The following CATSPER3 variants were observed in gnomAD, a reference collection of about 807,000 sequenced individuals.
CATSPER3 encodes cation channel sperm associated 3.
In CATSPER3, 23 loss-of-function variants were observed where a neutral mutation model predicts 36.6. The ratio of observed to expected loss-of-function variants is 0.63; its 90% CI spans 0.45 to 0.89. CATSPER3 has a LOEUF of 0.89. Among genes scored for constraint, CATSPER3 ranks in the 40% least tolerant of loss-of-function variants. The pLI is 0.00. For synonymous variants in CATSPER3, 172 were observed against 184.1 expected, an observed-to-expected ratio of 0.93 and a Z score of 0.53; for missense variants, 474 against 503.9, an observed-to-expected ratio of 0.94 and a Z score of 0.57.
At chr5:134,988,035 G>T (rs1348688408) in intron 2 of CATSPER3, among the ~76,000 whole-genome samples, 1 of 152,194 alleles carries the variant, frequency 6.6e-6, no homozygotes, top group African/African-American at 2.4e-5. Flanking sequence ...TGTGGATTAA[G>T]TTCCAGACCA....
In CATSPER3 at chr5:135,007,932, C is replaced by T. The variant is rs765818925; in HGVS notation, c.493-25C>T. The T allele has an allele frequency of 3.7e-6, 6 of 1,609,032 alleles. No individual in the cohort carries two copies. The South Asian group carries it at 5.5e-5, about 15-fold the overall frequency. ...CCACCCAGCTTGGTGGTACCCTCGC[C>T]TACCACAGTGTCCCTGCCTTGCAGA... On this transcript the variant is annotated intron_variant, in intron 3 of 7. Transcript: ENST00000282611.
At chr5:135,008,818 C>T (rs1200040491) in intron 4 of CATSPER3, 23 bp from the exon 5 acceptor site, 1 of 1,613,068 alleles carries the variant, frequency 6.2e-7, no homozygotes, top group African/African-American at 1.3e-5. Context: ...GGGCCCTCAG[C>T]ATACTCTTCC....
chr5:135,003,910 C>CG (rs1752052022), intron 3 of CATSPER3, among the ~76,000 whole-genome samples: 1 of 152,224 alleles, frequency 6.6e-6, no homozygotes, highest in Non-Finnish European at 1.5e-5. Flanking sequence ...CTGGGTGAGG[C>CG]GATGCCTCGC....
At chr5:134,976,499 G>A (rs1039835546) in intron 2 of CATSPER3, among the ~76,000 whole-genome samples, 1 of 152,242 alleles carries the variant, frequency 6.6e-6, no homozygotes, top group Non-Finnish European at 1.5e-5. Flanking sequence ...CACTCCCTGT[G>A]TCTGCTCTCA....
chr5:135,009,597 C>G (rs1238662071), intron 6 of CATSPER3, 107 bp downstream of exon 6: 1 of 1,089,220 alleles, frequency 9.2e-7, no homozygotes, highest in Non-Finnish European at 1.4e-6. Flanking sequence ...CAGGTGGCCT[C>G]AGGCATCTGC....
At chr5:135,004,136 A>T (rs1212357562) in intron 3 of CATSPER3, among the ~76,000 whole-genome samples, 2 of 152,210 alleles carry the variant, frequency 1.3e-5, no homozygotes, top group Non-Finnish European at 2.9e-5. Flanking sequence ...CCCCACCCGC[A>T]TTCAGTTGCC....
At position 135,011,591 on chromosome 5, in the gene CATSPER3, C is replaced by T. The variant is rs763473875; in HGVS notation, c.1165C>T (p.Pro389Ser). 5 of 1,613,900 alleles carry T rather than the reference C, an allele frequency of 3.1e-6. No homozygotes were observed. The Admixed American group carries it at 8.3e-5, about 27-fold the overall frequency. ...LMLEDLPQEKPQSLEKVDEK is the reference protein window; with the variant it reads ...LMLEDLPQEKSQSLEKVDEK The stretch of plus-strand genomic sequence containing the variant: ...GCTGGAAGACTTGCCCCAGGAGAAG[C>T]CCCAGTCCTTGGAAAAGGTGGATGA... The change falls in exon 8 of 8, where the codon CCC becomes TCC. Residue 389 changes from proline to serine, a missense_variant. Transcript: ENST00000282611.
intron 2 of CATSPER3, among the ~76,000 whole-genome samples, chr5:134,971,656 G>C (rs1425123958): frequency 6.6e-6 from 1 of 152,202 alleles, no homozygotes; most frequent in Non-Finnish European, 1.5e-5. Context: ...TACTGGGCTA[G>C]ATCAAGAGGT....
At chr5:134,990,258 A>T (rs1205177171) in intron 2 of CATSPER3, among the ~76,000 whole-genome samples, 1 of 152,180 alleles carries the variant, frequency 6.6e-6, no homozygotes, top group East Asian at 1.9e-4. Context: ...GTTTGGTTTT[A>T]TACGTTTCAG....
At chr5:135,006,854 T>A (rs148136390) in intron 3 of CATSPER3, among the ~76,000 whole-genome samples, 35,499 of 132,956 alleles carry the variant, frequency 0.27, 5,138 homozygotes, top group African/African-American at 0.38. Context: ...AAAAAAATAA[T>A]AATAATAATA....
intron 2 of CATSPER3, among the ~76,000 whole-genome samples, chr5:134,978,957 T>C (rs1221888417): frequency 1.3e-5 from 2 of 151,986 alleles, no homozygotes; most frequent in Non-Finnish European, 2.9e-5. Flanking sequence ...CTCCTGACCT[T>C]GTGATCTGCC....
intron 1 of CATSPER3, chr5:134,968,731 T>A (rs1751564855): frequency 6.6e-6 from 1 of 151,786 alleles, no homozygotes; most frequent in African/African-American, 2.4e-5. Context: ...AAATATATAT[T>A]CTATATTTTT....
At chr5:135,008,819 A>T (rs746774430) in intron 4 of CATSPER3, 22 bp from the exon 5 acceptor site, 9 of 1,613,530 alleles carry the variant, frequency 5.6e-6, no homozygotes, top group Non-Finnish European at 7.6e-6. Context: ...GGCCCTCAGC[A>T]TACTCTTCCC....
chr5:134,987,102 T>G (rs1751820969), intron 2 of CATSPER3, among the ~76,000 whole-genome samples: 1 of 152,122 alleles, frequency 6.6e-6, no homozygotes, highest in South Asian at 2.1e-4. Context: ...GATCAACAAA[T>G]TGACAAGCCT....
At chr5:134,995,390 T>C (rs1239666950) in intron 2 of CATSPER3, among the ~76,000 whole-genome samples, 1 of 152,248 alleles carries the variant, frequency 6.6e-6, no homozygotes, top group Non-Finnish European at 1.5e-5. Context: ...TTTGTCCTTC[T>C]GTGTTTGGTT....
chr5:134,978,661 GA>G (rs1338130087), intron 2 of CATSPER3, among the ~76,000 whole-genome samples: 1 of 150,300 alleles, frequency 6.7e-6, no homozygotes, highest in Non-Finnish European at 1.5e-5. Context: ...TGGAAAGGAA[GA>G]AATAAAACTG....
intron 2 of CATSPER3, chr5:134,975,302 G>T (rs1222166244): frequency 6.6e-6 from 1 of 152,124 alleles, no homozygotes; most frequent in East Asian, 1.9e-4. Flanking sequence ...GTGCAAGCAG[G>T]AAATGAAGGC....
Position 135,003,830 on chromosome 5 carries a change from G to A in CATSPER3, c.493-4127G>A, listed in dbSNP as rs977365194. Among the ~76,000 whole-genome samples the A allele has an allele frequency of 3.9e-5, 6 of 152,192 alleles. No individual in the cohort carries two copies. In the East Asian group the frequency reaches 5.8e-4, roughly 15 times the overall value. ...GTGCAGTATTAGGTGGGAGTGACCC[G>A]ATTTTCCAGGCGCCGTCTGTCACAG... On this transcript the variant is annotated intron_variant, in intron 3 of 7. Transcript: ENST00000282611.
intron 3 of CATSPER3, 78 bp downstream of exon 3, chr5:134,996,590 TGACTC>T: frequency 1.4e-6 from 2 of 1,447,168 alleles, no homozygotes; most frequent in Non-Finnish European, 1.9e-6. Context: ...AAGGAAATAA[TGACTC>T]TACTACCATC....
Sources: gnomAD v4.1 joint callset for allele counts (sites outside exome capture counted in the v4.1 genomes callset) on GRCh38, gnomAD v4.1.1 for gene constraint, MANE v1.5 for transcripts, NCBI Gene and HGNC (gene_info 2026-07-23, HGNC 2026-07-21) for gene names.